Variants in ZFR observed in about 807,000 individuals in gnomAD.
ZFR encodes zinc finger RNA-binding protein.
A neutral mutation model predicts 130.7 loss-of-function variants in ZFR; 19 were observed. That is an observed-to-expected ratio of 0.15 (90% CI 0.10 to 0.21). The LOEUF (loss-of-function observed/expected upper bound fraction) is 0.21. ZFR is among the 10% of genes least tolerant of loss of function. ZFR has a pLI of 1.00. For synonymous variants in ZFR, 466 were observed against 456.9 expected (o/e 1.02, Z -0.25); for missense variants, 872 against 1,321.5 (o/e 0.66, Z 5.27).
intron 5 of ZFR, among the ~76,000 whole-genome samples, chr5:32,409,042 T>C (rs1753643003): frequency 6.6e-6 from 1 of 152,226 alleles, no homozygotes; most frequent in African/African-American, 2.4e-5. Context: ...CTTTCAGTAT[T>C]GCAGTCTGCA....
chr5:32,434,262 T>C (rs1402137237), intron 2 of ZFR, among the ~76,000 whole-genome samples: 1 of 152,252 alleles, frequency 6.6e-6, no homozygotes, highest in Non-Finnish European at 1.5e-5. Flanking sequence ...GAAAAATTCA[T>C]GTAGGACATT....
At chr5:32,390,734 A>G (rs1753149541) in intron 11 of ZFR, among the ~76,000 whole-genome samples, 1 of 152,208 alleles carries the variant, frequency 6.6e-6, no homozygotes, top group South Asian at 2.1e-4. Flanking sequence ...AATGCCACCT[A>G]AAGGAGGCAG....
intron 2 of ZFR, among the ~76,000 whole-genome samples, chr5:32,420,400 T>A (rs948657814): frequency 2.6e-5 from 4 of 151,936 alleles, no homozygotes; most frequent in African/African-American, 7.3e-5. Context: ...AAAACTAGGA[T>A]AAAAAACAGT....
At position 32,415,278 on chromosome 5, in the gene ZFR, C is replaced by T. The variant is rs548099415; in HGVS notation, c.566-91G>A. On this transcript the variant is annotated intron_variant, in intron 4 of 19. Transcript: ENST00000265069. ...CTTAAAAAGCTGGAAAGAATAGGTA[C>T]AAACATCATTAACTATAAATTTTAT... 4.4e-6 allele frequency: 5 copies of T among 1,130,962 alleles called. No individual in the cohort carries two copies. In the East Asian group the frequency reaches 1.2e-4, roughly 27 times the overall value. The allele number at this position is 1,130,962 out of a possible 1,614,324, so 70.1% of individuals were successfully genotyped here. A position where few individuals can be genotyped will look rare whatever the true frequency, so the allele number is the denominator to read the frequency against.
intron 10 of ZFR, among the ~76,000 whole-genome samples, chr5:32,396,097 T>C (rs933219095): frequency 2.0e-5 from 3 of 151,750 alleles, no homozygotes; most frequent in African/African-American, 7.3e-5. Context: ...CACATGCCTG[T>C]AGTCCCAGTT....
In ZFR at chr5:32,406,624, C is replaced by T. The variant is rs534332817; in HGVS notation, c.1032+150G>A. The T allele has an allele frequency of 1.7e-4, 189 of 1,094,528 alleles. 1 individual carries two copies. The highest frequency in any genetic ancestry group is 3.1e-4 in the Admixed American group (8 of 25,998). 67.8% of individuals were successfully genotyped at this position (1,094,528 alleles called of 1,614,324 possible). ...TACAGTTTTTTTTTCCCTGAAAATT[C>T]TCATGCCACAATACAAGTAACTTAA... On this transcript the variant is annotated intron_variant, in intron 6 of 19. Coordinates refer to ENST00000265069, the MANE Select transcript of ZFR (RefSeq NM_016107.5).
rs1019794809 is a variant in ZFR at position 32,427,225 on chromosome 5, C to T, written c.138-7122G>A. Among the ~76,000 whole-genome samples the T allele has an allele frequency of 3.3e-5, 5 of 151,510 alleles. No homozygotes were observed. In the South Asian group the frequency reaches 8.3e-4, roughly 25 times the overall value. ...ACAATATAGTGAGACCTCATCTGTA[C>T]GAAAAATACAAAAAACAATTAGTGG... On this transcript the variant is annotated intron_variant, in intron 2 of 19. Coordinates refer to ENST00000265069, the MANE Select transcript of ZFR (RefSeq NM_016107.5).
rs770384143 is a variant in ZFR, at chr5:32,432,785, G to T, written c.137+11444C>A. Among the ~76,000 whole-genome samples the T allele has an allele frequency of 1.3e-4, 19 of 152,000 alleles. 1 individual carries two copies. Among genetic ancestry groups the T allele is most frequent in the Middle Eastern group, 6.8e-3 (2 of 294 alleles). The stretch of plus-strand genomic sequence containing the variant: ...ACTCTGTCACCCAGGAAGGAGTGCA[G>T]TGGTGCAATCACAGCTCACTGCACC... On this transcript the variant is annotated intron_variant, in intron 2 of 19. Transcript: ENST00000265069.
chr5:32,411,710 G>GC (rs1753715275), intron 5 of ZFR, among the ~76,000 whole-genome samples: 2 of 76,506 alleles, frequency 2.6e-5, no homozygotes, highest in Admixed American at 1.4e-4. Context: ...AAAAAATTGA[G>GC]GGGGGGCGGG....
intron 2 of ZFR, among the ~76,000 whole-genome samples, chr5:32,431,831 CTTTTTGTTTTG>C (rs1051952167): frequency 6.7e-6 from 1 of 150,326 alleles, no homozygotes; most frequent in Non-Finnish European, 1.5e-5. Flanking sequence ...CAACTTTATT[CTTTTTGTTTTG>C]TTTTTGTTTT....
chr5:32,365,711 G>A (rs1752526601), intron 17 of ZFR, among the ~76,000 whole-genome samples: 1 of 150,902 alleles, frequency 6.6e-6, no homozygotes, highest in African/African-American at 2.4e-5. Context: ...GCTTGAGGTT[G>A]CAGTGAGCTG....
chr5:32,435,744 A>G lies in ZFR; in HGVS notation c.137+8485T>C, dbSNP rs188972521. On this transcript the variant is annotated intron_variant, in intron 2 of 19. Transcript: ENST00000265069. Reference sequence around the variant, plus strand: ...CTACCATACTAGTAGTGTATTTTATACTATAGCTTTTCCCAGAAATATGAA... The same window carrying G: ...CTACCATACTAGTAGTGTATTTTATGCTATAGCTTTTCCCAGAAATATGAA... 4.3e-4 allele frequency among the ~76,000 whole-genome samples: 66 copies of G among 152,324 alleles called. 1 individual carries two copies. The highest frequency in any genetic ancestry group is 1.5e-3 in the African/African-American group (64 of 41,584).
chr5:32,432,357 T>C (rs911990262), intron 2 of ZFR, among the ~76,000 whole-genome samples: 3 of 152,156 alleles, frequency 2.0e-5, no homozygotes, highest in African/African-American at 4.8e-5. Flanking sequence ...TCACTAAATG[T>C]GAGGTGATGG....
intron 15 of ZFR, among the ~76,000 whole-genome samples, chr5:32,382,985 ATG>A: frequency 6.6e-6 from 1 of 152,234 alleles, no homozygotes; most frequent in East Asian, 1.9e-4. Context: ...TTCTATGTGA[ATG>A]TATTTCATAG....
At chr5:32,402,925 C>A (rs757192327) in intron 8 of ZFR, among the ~76,000 whole-genome samples, 181 bp downstream of exon 8, 18 of 150,682 alleles carry the variant, frequency 1.2e-4, no homozygotes, top group Non-Finnish European at 1.3e-4. Context: ...AGGGAAGAAA[C>A]CAGTAGACGA....
intron 11 of ZFR, among the ~76,000 whole-genome samples, chr5:32,392,357 C>A (rs1028236228): frequency 1.3e-5 from 2 of 152,006 alleles, no homozygotes; most frequent in Non-Finnish European, 2.9e-5. Context: ...CAATATGTTA[C>A]AAAGGCAGAA....
At chr5:32,401,575 A>G (rs960049165) in intron 8 of ZFR, among the ~76,000 whole-genome samples, 2 of 152,226 alleles carry the variant, frequency 1.3e-5, no homozygotes, top group Admixed American at 6.5e-5. Context: ...CAGTAATTCA[A>G]TATGAATTAC....
intron 15 of ZFR, among the ~76,000 whole-genome samples, chr5:32,384,339 T>C (rs72735335): frequency 0.011 from 1,716 of 152,270 alleles, 23 homozygotes; most frequent in Non-Finnish European, 0.018. Flanking sequence ...ACAAAACTCA[T>C]TTAAGATGCA....
Position 32,366,833 on chromosome 5 carries a change from T to C in ZFR, c.2836-2558A>G, listed in dbSNP as rs1752557373. ...GATGGAAAAAGCTCCCCATATTAAATGATTAAAAAAATCAAGGATTGTAAT... is the reference window on the plus strand; with the variant it reads ...GATGGAAAAAGCTCCCCATATTAAACGATTAAAAAAATCAAGGATTGTAAT... On this transcript the variant is annotated intron_variant, in intron 17 of 19. Transcript: ENST00000265069. Among the ~76,000 whole-genome samples the C allele has an allele frequency of 2.0e-5, 3 of 151,802 alleles. No individual in the cohort carries two copies. In the South Asian group the frequency reaches 6.2e-4, roughly 32 times the overall value.
Sources: allele counts gnomAD v4.1 joint callset (sites outside exome capture counted in the v4.1 genomes callset), GRCh38; gene constraint gnomAD v4.1.1; transcripts MANE v1.5; gene names NCBI Gene and HGNC (gene_info 2026-07-23, HGNC 2026-07-21).